The following SGTA variants were observed in gnomAD, a reference collection of about 807,000 sequenced individuals.
SGTA encodes small glutamine rich tetratricopeptide repeat co-chaperone alpha, also known as small glutamine-rich tetratricopeptide repeat-containing protein alpha.
SGTA carries 22 observed loss-of-function variants against 44.3 expected under a neutral mutation model. The ratio of observed to expected loss-of-function variants is 0.50; its 90% CI spans 0.36 to 0.71. The LOEUF is 0.71. Among genes scored for constraint, SGTA ranks in the 30% least tolerant of loss-of-function variants. The probability of loss-of-function intolerance (pLI) is 0.00; values close to 1 mark genes in which losing one functional copy is unlikely to be tolerated. For missense variants in SGTA, 341 were observed against 435.9 expected (o/e 0.78, Z 1.94); for synonymous variants, 174 against 177.6 (o/e 0.98, Z 0.16).
At position 2,763,547 on chromosome 19, in the gene SGTA, G is replaced by T; in HGVS notation, c.497+106C>A. 1.4e-6 allele frequency: 1 copy of T among 734,530 alleles called. No homozygotes were observed. The highest frequency in any genetic ancestry group is 2.3e-6 in the Non-Finnish European group (1 of 443,972). The allele number at this position is 734,530 out of a possible 1,614,324, so 45.5% of individuals were successfully genotyped here. ...TCAGAGTTGAACTGAACCGGGGTGG[G>T]AGAATTCGTTGTGGGTGGGAAAAAA... On this transcript the variant is annotated intron_variant, in intron 6 of 11. Coordinates refer to ENST00000221566, the MANE Select transcript of SGTA (RefSeq NM_003021.4). The surrounding 1 kb of genome is among the most constrained non-coding windows in gnomAD (Gnocchi z 5.8).
At chr19:2,768,581 G>A (rs1599502830) in intron 2 of SGTA, among the ~76,000 whole-genome samples, 3 of 152,342 alleles carry the variant, frequency 2.0e-5, no homozygotes, top group African/African-American at 7.2e-5. Flanking sequence ...GGATGCCAAC[G>A]AGTCTGGGAC....
chr19:2,779,013 G>A (rs956078406), intron 1 of SGTA, among the ~76,000 whole-genome samples: 2 of 152,044 alleles, frequency 1.3e-5, no homozygotes, highest in Non-Finnish European at 2.9e-5. Flanking sequence ...TCTGTCCTGC[G>A]CACGGCAGGG....
At chr19:2,762,755 G>A in intron 6 of SGTA, 111 bp from the exon 7 acceptor site, 2 of 1,248,624 alleles carry the variant, frequency 1.6e-6, no homozygotes, top group Non-Finnish European at 2.3e-6. Flanking sequence ...CTCGGATGGT[G>A]CCACCCCCTG....
In SGTA at chr19:2,765,709, C is replaced by A. The variant is rs1351795800; in HGVS notation, c.293-424G>T. On this transcript the variant is annotated intron_variant, in intron 4 of 11. Transcript: ENST00000221566. This position sits in a 1 kb window ranked among gnomAD's most constrained non-coding sequence, Gnocchi z 5.5. ...ATACTCATGTGATACCTTCTCATTT[C>A]ATAGGCAATGGGGCTTCTATCTGAG... is the stretch of plus-strand genomic sequence containing the variant. 1.3e-5 allele frequency among the ~76,000 whole-genome samples: 2 copies of A among 152,160 alleles called. No homozygotes were observed. Among genetic ancestry groups the A allele is most frequent in the Non-Finnish European group, 2.9e-5 (2 of 68,026 alleles).
chr19:2,757,846 T>G, intron 9 of SGTA, 64 bp from the exon 10 acceptor site: 1 of 1,095,260 alleles, frequency 9.1e-7, no homozygotes, highest in Non-Finnish European at 1.3e-6. Flanking sequence ...CTGCAGGCCC[T>G]CGCAGTGGCC....
chr19:2,777,177 G>C lies in SGTA; in HGVS notation c.-24+6056C>G, dbSNP rs963903537. 7.3e-5 allele frequency among the ~76,000 whole-genome samples: 11 copies of C among 151,574 alleles called. 1 individual carries two copies. Among genetic ancestry groups the C allele is most frequent in the African/African-American group, 2.7e-4 (11 of 40,964 alleles). Reference sequence around the variant, plus strand: ...GAGGCAGGAGAATCACTTGAACTCGGGAGGTGGAGGTTGCCGTGAGCCAAG... The same window carrying C: ...GAGGCAGGAGAATCACTTGAACTCGCGAGGTGGAGGTTGCCGTGAGCCAAG... On this transcript the variant is annotated intron_variant, in intron 1 of 11. Transcript: ENST00000221566.
intron 8 of SGTA, 183 bp from the exon 9 acceptor site, chr19:2,759,477 G>A (rs1017144230): frequency 1.3e-5 from 8 of 598,658 alleles, no homozygotes; most frequent in South Asian, 3.9e-5. Flanking sequence ...CCCACGAGCT[G>A]TGACCTCCAC....
In SGTA at chr19:2,763,778, C is replaced by T; in HGVS notation, c.393-21G>A. On this transcript the variant is annotated intron_variant, in intron 5 of 11. Coordinates refer to ENST00000221566, the MANE Select transcript of SGTA (RefSeq NM_003021.4). This position sits in a 1 kb window ranked among gnomAD's most constrained non-coding sequence, Gnocchi z 5.8. ...CGGCTCTGGGGAAGAAAAGGCAGGGCAGGTCCCTCACTGGCGGCTCTGAGC... is the reference window on the plus strand; with the variant it reads ...CGGCTCTGGGGAAGAAAAGGCAGGGTAGGTCCCTCACTGGCGGCTCTGAGC... 1.2e-6 allele frequency: 2 copies of T among 1,605,342 alleles called. No homozygotes were observed. The highest frequency in any genetic ancestry group is 1.7e-4 in the Middle Eastern group (1 of 5,758).
chr19:2,759,232 C>G, intron 9 of SGTA, 25 bp downstream of exon 9: 1 of 1,611,696 alleles, frequency 6.2e-7, no homozygotes, highest in Non-Finnish European at 8.5e-7. Flanking sequence ...ACAACAAGAC[C>G]CGAAGAAACC....
intron 1 of SGTA, among the ~76,000 whole-genome samples, chr19:2,772,218 C>T (rs1915328854): frequency 6.6e-6 from 1 of 152,244 alleles, no homozygotes; most frequent in South Asian, 2.1e-4. Context: ...CTGGGTCAGA[C>T]AGGGCCTGGC....
At position 2,763,313 on chromosome 19, in the gene SGTA, G is replaced by A. The variant is rs1915054473; in HGVS notation, c.497+340C>T. 6.6e-6 allele frequency among the ~76,000 whole-genome samples: 1 copy of A among 152,218 alleles called. No homozygotes were observed. Among genetic ancestry groups the A allele is most frequent in the African/African-American group, 2.4e-5 (1 of 41,468 alleles). On this transcript the variant is annotated intron_variant, in intron 6 of 11. Coordinates refer to ENST00000221566, the MANE Select transcript of SGTA (RefSeq NM_003021.4). The surrounding 1 kb of genome is among the most constrained non-coding windows in gnomAD (Gnocchi z 5.8). ...GGCCTCACTCTCGGACCTGTCCTGT[G>A]TCCTTCATCATAAACCAGGTGCTTC...
Position 2,755,718 on chromosome 19 carries a change from T to G in SGTA, c.*222A>C, listed in dbSNP as rs1305423086. On this transcript the variant is annotated 3_prime_UTR_variant, in exon 12 of 12. Coordinates refer to ENST00000221566, the MANE Select transcript of SGTA (RefSeq NM_003021.4). This position sits in a 1 kb window ranked among gnomAD's most constrained non-coding sequence, Gnocchi z 5.2. ...GGTCGCTGCTGGTCTGTGCTCAGCT[T>G]GCTGGCTCTCGTTTCAAGAAGGGTC... The G allele has an allele frequency of 1.0e-6, 1 of 985,292 alleles. No individual in the cohort carries two copies. Among genetic ancestry groups the G allele is most frequent in the East Asian group, 1.1e-4 (1 of 8,824 alleles). The allele number at this position is 985,292 out of a possible 1,614,324, so 61.0% of individuals were successfully genotyped here.
intron 1 of SGTA, among the ~76,000 whole-genome samples, chr19:2,771,575 C>CGGGGG (rs5741784): frequency 1.4e-4 from 15 of 109,280 alleles, no homozygotes; most frequent in Middle Eastern, 4.9e-3. Flanking sequence ...ACCTCCCCAT[C>CGGGGG]GGGGGGGGGG....
At chr19:2,759,949 G>C (rs898753168) in intron 8 of SGTA, among the ~76,000 whole-genome samples, 2 of 152,028 alleles carry the variant, frequency 1.3e-5, no homozygotes, top group Non-Finnish European at 1.5e-5. Flanking sequence ...GACAGAGTGA[G>C]ACTCTGTCTC....
rs755345841 is a variant in SGTA, at chr19:2,757,726, G to A, written c.794C>T (p.Pro265Leu). ...GAGGCTGGCCAGGTCGTTCTGCGAG[G>A]GGCTGGTGCCGGGAGTTCCCAAGGG... ...NNPLGTPGTS[P>L]SQNDLASLIQ... The change falls in exon 10 of 12, where the codon CCC becomes CTC. Residue 265 changes from proline to leucine, a missense_variant. Transcript: ENST00000221566. The A allele has an allele frequency of 1.9e-6, 3 of 1,603,096 alleles. No homozygotes were observed. The highest frequency in any genetic ancestry group is 2.3e-5 in the South Asian group (2 of 88,742).
At position 2,767,416 on chromosome 19, in the gene SGTA, G is replaced by C. The variant is rs762899609; in HGVS notation, c.207+164C>G. On this transcript the variant is annotated intron_variant, in intron 3 of 11. Coordinates refer to ENST00000221566, the MANE Select transcript of SGTA (RefSeq NM_003021.4). This position sits in a 1 kb window ranked among gnomAD's most constrained non-coding sequence, Gnocchi z 7.3. ...CTATGTGTCTCAGGACCCGCCGATAGGGGGAGGAGGGCCAAGTGCTCCTGC... is the reference window on the plus strand; with the variant it reads ...CTATGTGTCTCAGGACCCGCCGATACGGGGAGGAGGGCCAAGTGCTCCTGC... Among the ~76,000 whole-genome samples the C allele has an allele frequency of 3.9e-5, 6 of 152,204 alleles. No homozygotes were observed. The highest frequency in any genetic ancestry group is 8.8e-5 in the Non-Finnish European group (6 of 68,022).
At chr19:2,781,672 A>G (rs1200643021) in intron 1 of SGTA, among the ~76,000 whole-genome samples, 1 of 151,914 alleles carries the variant, frequency 6.6e-6, no homozygotes, top group Non-Finnish European at 1.5e-5. Flanking sequence ...AGCTCCGAGG[A>G]TGAAAATGAG....
At position 2,761,684 on chromosome 19, in the gene SGTA, C is replaced by T. The variant is rs1407132090; in HGVS notation, c.637-162G>A. Among the ~76,000 whole-genome samples, 1 of 152,022 alleles carries T rather than the reference C, an allele frequency of 6.6e-6. No individual in the cohort carries two copies. Among genetic ancestry groups the T allele is most frequent in the African/African-American group, 2.4e-5 (1 of 41,300 alleles). On this transcript the variant is annotated intron_variant, in intron 7 of 11. Coordinates refer to ENST00000221566, the MANE Select transcript of SGTA (RefSeq NM_003021.4). The surrounding 1 kb of genome is among the most constrained non-coding windows in gnomAD (Gnocchi z 5.7). ...CAGGCAGCACGAAGCACATCGCAAC[C>T]GCCCGGGGACGGCACAGTCTGTCAT...
chr19:2,777,253 GAAA>G (rs527677371), intron 1 of SGTA, among the ~76,000 whole-genome samples: 1 of 134,518 alleles, frequency 7.4e-6, no homozygotes. Flanking sequence ...CTCCATCTCA[GAAA>G]AAAAAAAAAA....
Sources: gnomAD v4.1 joint callset for allele counts (sites outside exome capture counted in the v4.1 genomes callset) on GRCh38, gnomAD v4.1.1 for gene constraint, Gnocchi (gnomAD v3.1) non-coding constraint, MANE v1.5 for transcripts, NCBI Gene and HGNC (gene_info 2026-07-23, HGNC 2026-07-21) for gene names.